The following TNIK variants were observed in gnomAD, a reference collection of about 807,000 sequenced individuals.
TNIK encodes the protein TRAF2 and NCK-interacting protein kinase.
In TNIK, 49 loss-of-function variants were observed where a neutral mutation model predicts 191.3. The observed-to-expected ratio is 0.26, with a 90% confidence interval of 0.20 to 0.32. The LOEUF (loss-of-function observed/expected upper bound fraction) is 0.32. TNIK is among the 10% of genes least tolerant of loss of function. The pLI is 1.00. For synonymous variants in TNIK, 594 were observed against 600.9 expected (o/e 0.99, Z 0.17); for missense variants, 1,155 against 1,702.3 (o/e 0.68, Z 5.66).
At chr3:171,388,319 C>T (rs1719008226) in intron 1 of TNIK, among the ~76,000 whole-genome samples, 1 of 152,192 alleles carries the variant, frequency 6.6e-6, no homozygotes, top group Non-Finnish European at 1.5e-5. Flanking sequence ...CCCATTGACA[C>T]ACATTATTGA....
intron 1 of TNIK, among the ~76,000 whole-genome samples, chr3:171,414,047 C>T (rs1722737574): frequency 6.6e-6 from 1 of 152,210 alleles, no homozygotes; most frequent in South Asian, 2.1e-4. Context: ...TCTACCTATC[C>T]ATCTATCCAT....
intron 2 of TNIK, among the ~76,000 whole-genome samples, chr3:171,303,870 C>T (rs1304459392): frequency 6.6e-6 from 1 of 152,098 alleles, no homozygotes; most frequent in African/African-American, 2.4e-5. Flanking sequence ...GAAGGCAACA[C>T]CAGGACCTAT....
chr3:171,424,983 T>TAA (rs11397416), intron 1 of TNIK, among the ~76,000 whole-genome samples: 3,993 of 148,524 alleles, frequency 0.027, 66 homozygotes, highest in Middle Eastern at 0.063. Context: ...TAAAGCATAA[T>TAA]AAAAAAAAAA....
chr3:171,113,752 T>C (rs1726236952), intron 18 of TNIK, among the ~76,000 whole-genome samples: 1 of 152,062 alleles, frequency 6.6e-6, no homozygotes, highest in Non-Finnish European at 1.5e-5. Context: ...AGTTATTCTA[T>C]ACCAGGCACT....
intron 1 of TNIK, among the ~76,000 whole-genome samples, chr3:171,376,606 G>A (rs1164726526): frequency 2.0e-5 from 3 of 152,114 alleles, no homozygotes; most frequent in African/African-American, 7.2e-5. Context: ...GAGAAAAGGT[G>A]CTCCAAGAGT....
At chr3:171,197,182 C>T (rs1013836495) in intron 4 of TNIK, among the ~76,000 whole-genome samples, 3 of 148,886 alleles carry the variant, frequency 2.0e-5, no homozygotes, top group African/African-American at 7.4e-5. Flanking sequence ...AGTGCTGAGA[C>T]AACTGGATAT....
At chr3:171,303,974 C>A (rs1272100768) in intron 2 of TNIK, among the ~76,000 whole-genome samples, 1 of 149,730 alleles carries the variant, frequency 6.7e-6, no homozygotes, top group Non-Finnish European at 1.5e-5. Context: ...AACAAGACAG[C>A]CAACATGGAT....
chr3:171,070,642 C>A (rs1048250844), intron 29 of TNIK, among the ~76,000 whole-genome samples: 1 of 152,062 alleles, frequency 6.6e-6, no homozygotes, highest in African/African-American at 2.4e-5. Context: ...CCACTCCTGG[C>A]AAATCTCATG....
intron 25 of TNIK, among the ~76,000 whole-genome samples, 184 bp from the exon 26 acceptor site, chr3:171,084,509 C>G (rs1721093364): frequency 1.3e-5 from 2 of 152,152 alleles, no homozygotes; most frequent in South Asian, 4.2e-4. Context: ...AGTCATTCAT[C>G]AAAGGAATCT....
At chr3:171,296,397 C>G (rs377732520) in intron 2 of TNIK, among the ~76,000 whole-genome samples, 3 of 152,126 alleles carry the variant, frequency 2.0e-5, no homozygotes, top group African/African-American at 7.2e-5. Context: ...AAAAATGGAA[C>G]CCCTAGATTC....
At chr3:171,111,371 C>T (rs556856773) in intron 18 of TNIK, among the ~76,000 whole-genome samples, 14 of 151,912 alleles carry the variant, frequency 9.2e-5, no homozygotes, top group African/African-American at 2.2e-4. Context: ...GCCATGATCA[C>T]GCCACTGCAC....
chr3:171,210,849 G>C (rs1418059788), intron 4 of TNIK, among the ~76,000 whole-genome samples: 6 of 70,476 alleles, frequency 8.5e-5, no homozygotes, highest in Non-Finnish European at 1.4e-4. Flanking sequence ...TTGTCAATTA[G>C]TGAAAAAAAA....
chr3:171,403,490 T>A (rs1408774170), intron 1 of TNIK, among the ~76,000 whole-genome samples: 1 of 151,752 alleles, frequency 6.6e-6, no homozygotes, highest in African/African-American at 2.4e-5. Flanking sequence ...GGCACACGCC[T>A]GTAATCCCAG....
chr3:171,120,526 A>T (rs995359560), intron 18 of TNIK, among the ~76,000 whole-genome samples: 9 of 152,016 alleles, frequency 5.9e-5, no homozygotes, highest in Non-Finnish European at 1.2e-4. Context: ...TCACCGTGTT[A>T]GCCAGGATGG....
At chr3:171,228,457 A>G (rs1478536964) in intron 2 of TNIK, among the ~76,000 whole-genome samples, 2 of 152,164 alleles carry the variant, frequency 1.3e-5, no homozygotes, top group Non-Finnish European at 2.9e-5. Context: ...TGCAATGTTG[A>G]ACAATTTGGT....
Position 171,460,284 on chromosome 3 carries a change from C to T in TNIK, c.-221G>A, listed in dbSNP as rs1168066169. 4.9e-6 allele frequency: 3 copies of T among 611,032 alleles called. No individual in the cohort carries two copies. Among genetic ancestry groups the T allele is most frequent in the Admixed American group, 2.9e-5 (1 of 33,922 alleles). The allele number at this position is 611,032 out of a possible 1,614,324, so 37.9% of individuals were successfully genotyped here. ...CCAGCCTGCGCGGATCTCCAAGCCCCGAGCAGCGGTGCGTGTGGGCTGAGC... is the reference window on the plus strand; with the variant it reads ...CCAGCCTGCGCGGATCTCCAAGCCCTGAGCAGCGGTGCGTGTGGGCTGAGC... On this transcript the variant is annotated 5_prime_UTR_variant, in exon 1 of 33. Transcript: ENST00000436636. The surrounding 1 kb of genome is among the most constrained non-coding windows in gnomAD (Gnocchi z 6.8).
intron 3 of TNIK, among the ~76,000 whole-genome samples, chr3:171,220,843 G>A (rs1389572433): frequency 2.0e-5 from 3 of 152,140 alleles, no homozygotes. Flanking sequence ...TTAGTTTGGA[G>A]GTATAGACAG....
At chr3:171,413,429 C>T (rs542834103) in intron 1 of TNIK, among the ~76,000 whole-genome samples, 67 of 152,280 alleles carry the variant, frequency 4.4e-4, no homozygotes, top group African/African-American at 1.5e-3. Flanking sequence ...AGGACAAGGC[C>T]TCTCTGCCTG....
At chr3:171,240,879 G>A (rs1173913141) in intron 2 of TNIK, among the ~76,000 whole-genome samples, 2 of 152,108 alleles carry the variant, frequency 1.3e-5, no homozygotes, top group Non-Finnish European at 2.9e-5. Context: ...TGTCTTGAGG[G>A]CAGCGGCTTC....
Sources: gnomAD v4.1 joint callset for allele counts (sites outside exome capture counted in the v4.1 genomes callset) on GRCh38, gnomAD v4.1.1 for gene constraint, Gnocchi (gnomAD v3.1) non-coding constraint, MANE v1.5 for transcripts, NCBI Gene and HGNC (gene_info 2026-07-23, HGNC 2026-07-21) for gene names.